PDE10A: variants seen among roughly 807,000 people sequenced by gnomAD.
PDE10A encodes the protein cAMP and cAMP-inhibited cGMP 3',5'-cyclic phosphodiesterase 10A.
Under a neutral mutation model 97.7 loss-of-function variants are expected in PDE10A, and 39 were observed. The observed-to-expected ratio is 0.40, with a 90% CI of 0.31 to 0.52. The LOEUF (loss-of-function observed/expected upper bound fraction) is 0.52. PDE10A is among the 20% of genes least tolerant of loss of function. PDE10A has a pLI of 0.56. For missense variants in PDE10A, 731 were observed against 1,047.8 expected (o/e 0.70, Z 4.17); for synonymous variants, 371 against 376.8 (o/e 0.98, Z 0.18).
intron 2 of PDE10A, among the ~76,000 whole-genome samples, chr6:165,530,469 C>T (rs1782707334): frequency 6.6e-6 from 1 of 151,904 alleles, no homozygotes; most frequent in Admixed American, 6.6e-5. Flanking sequence ...TAAAAGTGGG[C>T]AAATGACATG....
intron 1 of PDE10A, among the ~76,000 whole-genome samples, chr6:165,578,396 T>A (rs1370372413): frequency 6.6e-6 from 1 of 152,154 alleles, no homozygotes; most frequent in African/African-American, 2.4e-5. Context: ...TTGTAAATGC[T>A]ACAATGCAAT....
In PDE10A at chr6:165,328,966, G is replaced by A. The variant is rs1781195593; in HGVS notation, c.*4059C>T. On this transcript the variant is annotated 3_prime_UTR_variant, in exon 22 of 22. Transcript: ENST00000539869. ...CATGGCCATGCGCTGAAAGCATGGG[G>A]AAACTATAACGGATGACATACTTGG... 6.6e-6 allele frequency: 1 copy of A among 152,170 alleles called. No homozygotes were observed. The highest frequency in any genetic ancestry group is 1.5e-5 in the Non-Finnish European group (1 of 68,042). 9.4% of individuals were successfully genotyped at this position (152,170 alleles called of 1,614,324 possible).
chr6:165,586,517 G>A (rs1785921420), intron 1 of PDE10A, among the ~76,000 whole-genome samples: 1 of 152,066 alleles, frequency 6.6e-6, no homozygotes, highest in African/African-American at 2.4e-5. Context: ...TGTCCCAGAA[G>A]AGAACTGATA....
At chr6:165,413,729 G>T in intron 12 of PDE10A, 42 bp from the exon 13 acceptor site, 1 of 1,488,528 alleles carries the variant, frequency 6.7e-7, no homozygotes, top group Non-Finnish European at 9.2e-7. Context: ...ACAACAAAAG[G>T]GCAGAAGAAA....
chr6:165,480,825 C>CT (rs1197303026), intron 3 of PDE10A, among the ~76,000 whole-genome samples: 1 of 152,112 alleles, frequency 6.6e-6, no homozygotes, highest in Non-Finnish European at 1.5e-5. Context: ...TAAGGAAACT[C>CT]TGAGTATTAG....
chr6:165,802,725 C>G (rs532635886), intron 1 of PDE10A, among the ~76,000 whole-genome samples: 1 of 152,192 alleles, frequency 6.6e-6, no homozygotes, highest in South Asian at 2.1e-4. Context: ...TTGATATCTA[C>G]CTCTGTCTCC....
At position 165,332,994 on chromosome 6, in the gene PDE10A, A is replaced by G; in HGVS notation, c.*31T>C. On this transcript the variant is annotated 3_prime_UTR_variant, in exon 22 of 22. Coordinates refer to ENST00000539869, the MANE Select transcript of PDE10A (RefSeq NM_001385079.1). Reference sequence around the variant, plus strand: ...TCAAAGAAGCAAGATGAGGATCTGTAGGTGGGACAGCGTGTCAGGGTGACC... The same window carrying G: ...TCAAAGAAGCAAGATGAGGATCTGTGGGTGGGACAGCGTGTCAGGGTGACC... The G allele has an allele frequency of 1.2e-6, 1 of 852,084 alleles. No individual in the cohort carries two copies. Among genetic ancestry groups the G allele is most frequent in the Non-Finnish European group, 1.8e-6 (1 of 549,082 alleles). 52.8% of individuals were successfully genotyped at this position (852,084 alleles called of 1,614,324 possible). A position where few individuals can be genotyped will look rare whatever the true frequency, so the allele number is the denominator to read the frequency against.
intron 18 of PDE10A, among the ~76,000 whole-genome samples, chr6:165,347,252 A>G (rs370549751): frequency 1.9e-4 from 29 of 152,248 alleles, no homozygotes; most frequent in African/African-American, 5.3e-4. Flanking sequence ...AGAATAATAC[A>G]GTTTTTCTGA....
intron 1 of PDE10A, among the ~76,000 whole-genome samples, chr6:165,914,451 C>T (rs981058644): frequency 2.6e-5 from 4 of 152,146 alleles, no homozygotes; most frequent in African/African-American, 7.2e-5. Flanking sequence ...GGATATCCAC[C>T]AAGTTGCCCC....
chr6:165,661,956 G>A lies in PDE10A; in HGVS notation c.856C>T (p.Leu286=). ...GGAGCAGGCCACTTACTGGGGCTCA[G>A]GAAGCACTCGGTCAGCCTTCGGAAG... ...SCFRRLTECF[L]SPSLTDEKVK... is the part of the protein sequence containing the mutation. Residue 286 remains leucine, a synonymous_variant, in exon 1 of 22, where the codon CTG becomes TTG. Transcript: ENST00000539869. This position sits in a 1 kb window ranked among gnomAD's most constrained non-coding sequence, Gnocchi z 4.8. 1 of 1,090,564 alleles carries A rather than the reference G, an allele frequency of 9.2e-7. No individual in the cohort carries two copies. The highest frequency in any genetic ancestry group is 1.4e-6 in the Non-Finnish European group (1 of 732,048). 67.6% of individuals were successfully genotyped at this position (1,090,564 alleles called of 1,614,324 possible).
intron 21 of PDE10A, among the ~76,000 whole-genome samples, chr6:165,335,493 G>C (rs1446885425): frequency 2.0e-5 from 3 of 152,112 alleles, no homozygotes; most frequent in African/African-American, 7.2e-5. Context: ...CATATACATA[G>C]TGTACTACAT....
rs1781191593 is a variant in PDE10A, at chr6:165,328,889, A to G, written c.*4136T>C. 6.6e-6 allele frequency: 1 copy of G among 152,250 alleles called. No individual in the cohort carries two copies. The highest frequency in any genetic ancestry group is 1.5e-5 in the Non-Finnish European group (1 of 68,042). 9.4% of individuals were successfully genotyped at this position (152,250 alleles called of 1,614,324 possible). A position where few individuals can be genotyped will look rare whatever the true frequency, so the allele number is the denominator to read the frequency against. ...TAATTTAAACAATATAAATGGTTAA[A>G]GAAGTCAGCAAAATGTGTATTGGCT... On this transcript the variant is annotated 3_prime_UTR_variant, in exon 22 of 22. Coordinates refer to ENST00000539869, the MANE Select transcript of PDE10A (RefSeq NM_001385079.1).
At chr6:165,545,508 T>C (rs1376602849) in intron 1 of PDE10A, among the ~76,000 whole-genome samples, 1 of 152,064 alleles carries the variant, frequency 6.6e-6, no homozygotes, top group Non-Finnish European at 1.5e-5. Flanking sequence ...ATACAAGTCA[T>C]ATTTGCCAAA....
intron 1 of PDE10A, among the ~76,000 whole-genome samples, chr6:165,799,741 T>C (rs1187804434): frequency 2.0e-5 from 3 of 152,168 alleles, no homozygotes; most frequent in East Asian, 1.9e-4. Context: ...TTCAGTAAAC[T>C]CTCCTGGGCC....
chr6:165,357,116 C>T (rs1353309915), intron 18 of PDE10A, among the ~76,000 whole-genome samples: 6 of 152,046 alleles, frequency 3.9e-5, no homozygotes, highest in African/African-American at 1.4e-4. Flanking sequence ...TTGTCAGATG[C>T]TTTTTCTACA....
chr6:165,740,316 AAG>A (rs60010542), intron 1 of PDE10A, among the ~76,000 whole-genome samples: 47,818 of 145,980 alleles, frequency 0.33, 7,980 homozygotes, highest in Non-Finnish European at 0.4. Context: ...TATGGAGAGA[AAG>A]AGAGAGAGAG....
chr6:165,335,982 G>A, intron 21 of PDE10A, 141 bp downstream of exon 21: 1 of 711,422 alleles, frequency 1.4e-6, no homozygotes, highest in Non-Finnish European at 2.5e-6. Flanking sequence ...GCCAGGTAAG[G>A]AGGCCCCGAG....
rs1432658567 is a variant in PDE10A, at chr6:165,765,421, AC to A, written c.-614-221854del. Among the ~76,000 whole-genome samples the A allele has an allele frequency of 3.3e-5, 5 of 152,364 alleles. No homozygotes were observed. The East Asian group carries it at 9.6e-4, about 29-fold the overall frequency. ...AGGCATGGCGGGCTGCAGTCCCGAG[AC>A]CTGCCCCGCGGGAAGGCAGCTAAGG... On this transcript the variant is annotated intron_variant, in intron 1 of 19. Transcript: ENST00000366882.
chr6:165,922,717 G>C (rs1782791031), intron 1 of PDE10A, among the ~76,000 whole-genome samples: 1 of 152,188 alleles, frequency 6.6e-6, no homozygotes, highest in Non-Finnish European at 1.5e-5. Context: ...CTCCACACGT[G>C]AGTCAGATTC....
Sources: gnomAD v4.1 joint callset for allele counts (sites outside exome capture counted in the v4.1 genomes callset) on GRCh38, gnomAD v4.1.1 for gene constraint, Gnocchi (gnomAD v3.1) non-coding constraint, MANE v1.5 for transcripts, NCBI Gene and HGNC (gene_info 2026-07-23, HGNC 2026-07-21) for gene names.